Variants in DLGAP2 observed in about 807,000 individuals in gnomAD.
DLGAP2 encodes disks large-associated protein 2.
DLGAP2 carries 26 observed loss-of-function variants against 100.3 expected under a neutral mutation model. The ratio of observed to expected loss-of-function variants is 0.26; its 90% CI spans 0.19 to 0.36. The LOEUF is 0.36. Among genes scored for constraint, DLGAP2 ranks in the 10% least tolerant of loss-of-function variants. The pLI, the probability that DLGAP2 is intolerant of heterozygous loss-of-function variation, is 1.00. For synonymous variants in DLGAP2, 886 were observed against 630.1 expected, an observed-to-expected ratio of 1.41 and a Z score of -6.08; for missense variants, 1,858 against 1,453.2, an observed-to-expected ratio of 1.28 and a Z score of -4.53.
intron 6 of DLGAP2, among the ~76,000 whole-genome samples, chr8:1,581,681 AC>A (rs1563235107): frequency 2.0e-5 from 3 of 151,028 alleles, no homozygotes; most frequent in African/African-American, 7.3e-5. Context: ...TACAGACAAA[AC>A]TCCACACATA....
At chr8:1,382,626 C>G (rs1220543644) in intron 3 of DLGAP2, among the ~76,000 whole-genome samples, 1 of 152,096 alleles carries the variant, frequency 6.6e-6, no homozygotes, top group Non-Finnish European at 1.5e-5. Flanking sequence ...CCTGCAGTCC[C>G]AGCTACTTTG....
At chr8:1,197,072 A>ATTCTCCT (rs1455297095) in intron 2 of DLGAP2, among the ~76,000 whole-genome samples, 1 of 152,102 alleles carries the variant, frequency 6.6e-6, no homozygotes, top group Non-Finnish European at 1.5e-5. Context: ...GAAGGAACAA[A>ATTCTCCT]TTCTCCTTTC....
chr8:1,461,177 TG>T (rs1798461184), intron 3 of DLGAP2, among the ~76,000 whole-genome samples: 1 of 137,886 alleles, frequency 7.3e-6, no homozygotes, highest in African/African-American at 2.8e-5. Context: ...GAGAAGGTGC[TG>T]CTGTCACAGG....
In DLGAP2 at chr8:1,354,622, G is replaced by A. The variant is rs1161794075; in HGVS notation, c.106+95739G>A. 3.3e-5 allele frequency among the ~76,000 whole-genome samples: 5 copies of A among 151,620 alleles called. No homozygotes were observed. In the East Asian group the frequency reaches 9.8e-4, roughly 30 times the overall value. On this transcript the variant is annotated intron_variant, in intron 3 of 14. Coordinates refer to ENST00000637795, the MANE Select transcript of DLGAP2 (RefSeq NM_001346810.2). ...AGTCACGGATGATGCTGCGGATGAA[G>A]GTGGAAAGTCACGGATGATGCTGCG...
At chr8:1,411,693 A>G (rs1399595450) in intron 3 of DLGAP2, among the ~76,000 whole-genome samples, 1 of 152,212 alleles carries the variant, frequency 6.6e-6, no homozygotes, top group Non-Finnish European at 1.5e-5. Flanking sequence ...GCCAAGAGTA[A>G]GCATTTCACA....
chr8:1,655,179 T>C (rs1260258205), intron 8 of DLGAP2, among the ~76,000 whole-genome samples: 2 of 152,236 alleles, frequency 1.3e-5, no homozygotes, highest in African/African-American at 2.4e-5. Flanking sequence ...GGAAAACCAT[T>C]GTGTGTATGC....
At chr8:1,200,657 C>A (rs773267953) in intron 2 of DLGAP2, among the ~76,000 whole-genome samples, 23 of 152,212 alleles carry the variant, frequency 1.5e-4, no homozygotes, top group African/African-American at 5.1e-4. Flanking sequence ...GTTGGTTTGA[C>A]AAAGCCTCAG....
At chr8:968,964 C>T (rs1283231642) in intron 2 of DLGAP2, among the ~76,000 whole-genome samples, 1 of 152,164 alleles carries the variant, frequency 6.6e-6, no homozygotes, top group East Asian at 1.9e-4. Flanking sequence ...TCCCGCGAAC[C>T]AATCAAGGAC....
At chr8:874,268 T>C (rs1169495029) in intron 1 of DLGAP2, among the ~76,000 whole-genome samples, 2 of 152,158 alleles carry the variant, frequency 1.3e-5, no homozygotes, top group Non-Finnish European at 2.9e-5. Flanking sequence ...GTTCTTCTTT[T>C]TCCAGTATCT....
At chr8:1,520,138 G>T (rs1295884107) in intron 4 of DLGAP2, among the ~76,000 whole-genome samples, 1 of 152,182 alleles carries the variant, frequency 6.6e-6, no homozygotes. Context: ...CTATACACCT[G>T]ATGAACATGT....
intron 3 of DLGAP2, among the ~76,000 whole-genome samples, chr8:1,443,777 C>T (rs531643744): frequency 2.0e-5 from 3 of 152,118 alleles, no homozygotes; most frequent in Non-Finnish European, 4.4e-5. Context: ...CAATTATCTC[C>T]ACCTGGCCCC....
intron 3 of DLGAP2, among the ~76,000 whole-genome samples, chr8:1,388,413 T>A (rs1211300316): frequency 2.8e-5 from 2 of 72,054 alleles, no homozygotes; most frequent in African/African-American, 6.8e-5. Context: ...AGGCCGTGGA[T>A]GGGGAGGCGC....
rs1274159445 is a variant in DLGAP2 at position 1,533,346 on chromosome 8, C to A, written c.173-15280C>A. ...ACCCCGTCTCTACTAAAAATACAAA[C>A]AAAAAAAAAATTAGCCGGGCGTTGT... On this transcript the variant is annotated intron_variant, in intron 4 of 14. Transcript: ENST00000637795. Among the ~76,000 whole-genome samples, 32 of 148,256 alleles carry A rather than the reference C, an allele frequency of 2.2e-4. 1 individual carries two copies. Among genetic ancestry groups the A allele is most frequent in the African/African-American group, 2.5e-5 (1 of 40,418 alleles).
chr8:1,456,778 T>C (rs1197787575), intron 3 of DLGAP2, among the ~76,000 whole-genome samples: 5 of 152,270 alleles, frequency 3.3e-5, no homozygotes, highest in African/African-American at 1.2e-4. Context: ...ACTGGTGAAA[T>C]TGGTTTTGCG....
chr8:1,316,546 AG>A (rs71513058), intron 3 of DLGAP2, among the ~76,000 whole-genome samples: 24 of 133,678 alleles, frequency 1.8e-4, no homozygotes, highest in South Asian at 7.7e-4. Context: ...TTAAAAATAG[AG>A]GCTGTGCGAG....
At chr8:1,666,570 C>T (rs958735019) in intron 8 of DLGAP2, among the ~76,000 whole-genome samples, 1 of 151,836 alleles carries the variant, frequency 6.6e-6, no homozygotes, top group Admixed American at 6.6e-5. Context: ...ATCCCAGCTA[C>T]TCGGGAGGCA....
chr8:818,492 G>A (rs1796527016), intron 1 of DLGAP2, among the ~76,000 whole-genome samples: 1 of 152,190 alleles, frequency 6.6e-6, no homozygotes, highest in African/African-American at 2.4e-5. Flanking sequence ...CAGGGAGCCT[G>A]CAGCACTGAT....
Position 1,525,996 on chromosome 8 carries a change from A to T in DLGAP2, c.173-22630A>T, listed in dbSNP as rs141945586. ...TTTTGGAATGGGGGACATTTGCATT[A>T]CATACTTGCCAAGTGAACATCCCTA... On this transcript the variant is annotated intron_variant, in intron 4 of 14. Coordinates refer to ENST00000637795, the MANE Select transcript of DLGAP2 (RefSeq NM_001346810.2). Among the ~76,000 whole-genome samples, 27 of 152,192 alleles carry T rather than the reference A, an allele frequency of 1.8e-4. No individual in the cohort carries two copies. In the East Asian group the frequency reaches 5.2e-3, roughly 29 times the overall value.
intron 6 of DLGAP2, among the ~76,000 whole-genome samples, chr8:1,573,146 G>GT: frequency 7.2e-6 from 1 of 139,598 alleles, no homozygotes. Context: ...AGGAGAGATG[G>GT]TGAACTGGAG....
Sources: gnomAD v4.1 joint callset for allele counts (sites outside exome capture counted in the v4.1 genomes callset) on GRCh38, gnomAD v4.1.1 for gene constraint, MANE v1.5 for transcripts, NCBI Gene and HGNC (gene_info 2026-07-23, HGNC 2026-07-21) for gene names.